TUSC3: variants seen among roughly 807,000 people sequenced by gnomAD.
TUSC3 encodes tumor suppressor candidate 3.
TUSC3 carries 45 observed loss-of-function variants against 44.8 expected under a neutral mutation model. The observed-to-expected ratio is 1.00, with a 90% CI of 0.79 to 1.29. The LOEUF is 1.29. Among genes scored for constraint, TUSC3 ranks in the 50% most tolerant of loss-of-function variants. TUSC3 has a pLI of 0.00. For missense variants in TUSC3, 519 were observed against 437.9 expected, an observed-to-expected ratio of 1.19 and a Z score of -1.65; for synonymous variants, 212 against 152.9, an observed-to-expected ratio of 1.39 and a Z score of -2.85.
At chr8:15,506,138 A>G (rs1801047476) in intron 2 of TUSC3, among the ~76,000 whole-genome samples, 1 of 152,196 alleles carries the variant, frequency 6.6e-6, no homozygotes, top group African/African-American at 2.4e-5. Flanking sequence ...ACATCATACC[A>G]GAACACACAG....
At chr8:15,770,737 C>G (rs1274887248), downstream of TUSC3, among the ~76,000 whole-genome samples, 1 of 151,992 alleles carries the variant, frequency 6.6e-6, no homozygotes, top group Non-Finnish European at 1.5e-5. Flanking sequence ...ATGATCCAGT[C>G]TGAGGAGGAG....
chr8:15,529,314 A>C (rs1801420943), intron 2 of TUSC3, among the ~76,000 whole-genome samples: 1 of 152,220 alleles, frequency 6.6e-6, no homozygotes, highest in Admixed American at 6.5e-5. Context: ...AATAATGAAA[A>C]GATCATATGC....
rs566780395 is a variant in TUSC3, at chr8:15,750,813, T to C, written c.1028+2348T>C. On this transcript the variant is annotated intron_variant, in intron 9 of 10. Transcript: ENST00000503731. ...CCACCAGCCTAACAGGAGATAGATT[T>C]GCCTTCAGCAGGCCTCATAATGCTA... Among the ~76,000 whole-genome samples the C allele has an allele frequency of 2.0e-5, 3 of 152,350 alleles. No individual in the cohort carries two copies. The East Asian group carries it at 5.8e-4, about 29-fold the overall frequency.
chr8:15,464,382 A>C (rs1800388211), intron 1 of TUSC3, among the ~76,000 whole-genome samples: 1 of 152,218 alleles, frequency 6.6e-6, no homozygotes. Context: ...ATGCAACTCC[A>C]TTCATTCATG....
At chr8:15,491,304 C>A (rs1800805922) in intron 2 of TUSC3, among the ~76,000 whole-genome samples, 1 of 152,068 alleles carries the variant, frequency 6.6e-6, no homozygotes, top group African/African-American at 2.4e-5. Flanking sequence ...GATCTTGGGG[C>A]CCACAAGGAA....
intron 2 of TUSC3, among the ~76,000 whole-genome samples, chr8:15,508,259 C>G (rs904190152): frequency 7.3e-5 from 11 of 151,626 alleles, no homozygotes; most frequent in African/African-American, 1.7e-4. Context: ...ACAACAAAAA[C>G]AAAAAACAAA....
intron 5 of TUSC3, among the ~76,000 whole-genome samples, chr8:15,664,620 G>A (rs1807575426): frequency 6.7e-6 from 1 of 149,356 alleles, no homozygotes; most frequent in Non-Finnish European, 1.5e-5. Context: ...GAACAGACAT[G>A]TTTTCAAACA....
chr8:15,484,837 AATAT>A (rs1286004915), intron 2 of TUSC3, among the ~76,000 whole-genome samples: 2 of 152,250 alleles, frequency 1.3e-5, no homozygotes, highest in Non-Finnish European at 2.9e-5. Context: ...TATCATTTAA[AATAT>A]ATAGAGAAAT....
At chr8:15,681,566 T>TA (rs1395127043) in intron 6 of TUSC3, among the ~76,000 whole-genome samples, 2 of 151,544 alleles carry the variant, frequency 1.3e-5, no homozygotes, top group African/African-American at 4.8e-5. Flanking sequence ...TCTCTTTTTT[T>TA]TTTTCTTTAT....
At chr8:15,744,743 CT>C (rs1431841907) in intron 8 of TUSC3, among the ~76,000 whole-genome samples, 5 of 151,998 alleles carry the variant, frequency 3.3e-5, no homozygotes, top group Non-Finnish European at 7.4e-5. Flanking sequence ...ATTTATTTAT[CT>C]TTTGAATAAA....
intron 6 of TUSC3, among the ~76,000 whole-genome samples, chr8:15,685,746 AATTCTG>A (rs1283918598): frequency 6.6e-6 from 1 of 152,162 alleles, no homozygotes; most frequent in Non-Finnish European, 1.5e-5. Context: ...TGAGCTCTGA[AATTCTG>A]ATTCTATCTT....
chr8:15,840,660 T>C, the TUSC3 span, among the ~76,000 whole-genome samples: 1 of 152,138 alleles, frequency 6.6e-6, no homozygotes, highest in South Asian at 2.1e-4. Flanking sequence ...ATGAAAAAAA[T>C]AGGTCCTGCT....
At chr8:15,835,731 A>T in the TUSC3 span, among the ~76,000 whole-genome samples, 1 of 152,222 alleles carries the variant, frequency 6.6e-6, no homozygotes, top group Admixed American at 6.5e-5. Context: ...TTCAGTGTGT[A>T]TGGGGGATGT....
the TUSC3 span, chr8:15,806,861 A>C: frequency 3.7e-6 from 4 of 1,083,788 alleles, no homozygotes; most frequent in Non-Finnish European, 5.7e-6. Flanking sequence ...CTTCATAGTT[A>C]ATGAAATAAT....
At chr8:15,458,203 C>T (rs1800287291) in intron 1 of TUSC3, among the ~76,000 whole-genome samples, 1 of 151,924 alleles carries the variant, frequency 6.6e-6, no homozygotes, top group Non-Finnish European at 1.5e-5. Context: ...AGGTCAAGGC[C>T]CTAACTTTAG....
the TUSC3 span, among the ~76,000 whole-genome samples, chr8:15,773,827 A>G: frequency 6.6e-6 from 1 of 152,148 alleles, no homozygotes; most frequent in Non-Finnish European, 1.5e-5. Context: ...TGCCAAAACC[A>G]TCAGCTGGAT....
At chr8:15,479,805 A>G (rs1256325116) in intron 1 of TUSC3, among the ~76,000 whole-genome samples, 3 of 152,282 alleles carry the variant, frequency 2.0e-5, no homozygotes, top group Non-Finnish European at 2.9e-5. Flanking sequence ...GGCCAGGCCT[A>G]TCATGCAAGA....
chr8:15,760,357 A>T (rs1365424470), intron 10 of TUSC3, among the ~76,000 whole-genome samples: 1 of 152,204 alleles, frequency 6.6e-6, no homozygotes, highest in East Asian at 1.9e-4. Flanking sequence ...TCATGAGCAT[A>T]TTCCTATGCA....
At chr8:15,420,915 C>G (rs1386459132) in intron 1 of TUSC3, among the ~76,000 whole-genome samples, 1 of 152,150 alleles carries the variant, frequency 6.6e-6, no homozygotes, top group Non-Finnish European at 1.5e-5. Flanking sequence ...ATCTTCTACT[C>G]TTTAACAACA....
Sources: allele counts gnomAD v4.1 joint callset (sites outside exome capture counted in the v4.1 genomes callset), GRCh38; gene constraint gnomAD v4.1.1; transcripts MANE v1.5; gene names NCBI Gene and HGNC (gene_info 2026-07-23, HGNC 2026-07-21).